RBKS: variants seen among roughly 807,000 people sequenced by gnomAD.
The protein encoded by RBKS is ribokinase.
RBKS carries 33 observed loss-of-function variants against 33.9 expected under a neutral mutation model. The ratio of observed to expected loss-of-function variants is 0.97; its 90% confidence interval spans 0.74 to 1.30. RBKS has a LOEUF of 1.30. RBKS is among the 50% of genes most tolerant of loss of function. RBKS has a pLI of 0.00. For missense variants in RBKS, 361 were observed against 392.6 expected, an observed-to-expected ratio of 0.92 and a Z score of 0.68; for synonymous variants, 125 against 143.0, an observed-to-expected ratio of 0.87 and a Z score of 0.90.
At chr2:27,870,530 CCCACCT>C (rs1664183922) in intron 1 of RBKS, 1 of 314,796 alleles carries the variant, frequency 3.2e-6, no homozygotes, top group Non-Finnish European at 6.4e-6. Context: ...GTGCACTGCA[CCCACCT>C]CCTCACAGAG....
At position 27,816,403 on chromosome 2, in the gene RBKS, G is replaced by C. The variant is rs945704384; in HGVS notation, c.795+11164C>G. Among the ~76,000 whole-genome samples the C allele has an allele frequency of 2.6e-5, 4 of 152,048 alleles. No individual in the cohort carries two copies. The South Asian group carries it at 8.3e-4, about 31-fold the overall frequency. The stretch of plus-strand genomic sequence containing the variant: ...CCTTACAGTCAGTGAACAACTTTTT[G>C]TCTTCTTCATTTTTTCCAGCCACCA... On this transcript the variant is annotated intron_variant, in intron 7 of 7. Coordinates refer to ENST00000302188, the MANE Select transcript of RBKS (RefSeq NM_022128.3).
chr2:27,844,257 G>A (rs1331743852), intron 4 of RBKS, among the ~76,000 whole-genome samples: 2 of 125,280 alleles, frequency 1.6e-5, no homozygotes, highest in East Asian at 6.0e-4. Flanking sequence ...GTGAGACTCT[G>A]TCTCAGAAAA....
Position 27,847,041 on chromosome 2 carries a change from C to A in RBKS, c.349+1G>T, listed in dbSNP as rs1312829206. On this transcript the variant is annotated splice_donor_variant, in intron 4 of 7. Coordinates refer to ENST00000302188, the MANE Select transcript of RBKS (RefSeq NM_022128.3). LOFTEE classifies it high-confidence loss of function. ...GACACTCCAATATGCAAAACACTTA[C>A]CTTCATTATTGACAATTATAGAAGC... The A allele has an allele frequency of 6.3e-7, 1 of 1,593,346 alleles. No individual in the cohort carries two copies. Among genetic ancestry groups the A allele is most frequent in the East Asian group, 2.2e-5 (1 of 44,658 alleles).
intron 4 of RBKS, 46 bp from the exon 5 acceptor site, chr2:27,843,277 G>A (rs1663553738): frequency 1.4e-6 from 2 of 1,434,696 alleles, no homozygotes; most frequent in East Asian, 2.4e-5. Flanking sequence ...ACAAAGCCAA[G>A]CAAATGATAT....
chr2:27,782,154 A>G (rs1677300887), intron 7 of RBKS, among the ~76,000 whole-genome samples: 1 of 151,068 alleles, frequency 6.6e-6, no homozygotes, highest in Non-Finnish European at 1.5e-5. Context: ...TTTGTTTTTG[A>G]TGATTTTTTT....
chr2:27,811,363 T>G (rs1677982501), intron 7 of RBKS, among the ~76,000 whole-genome samples: 1 of 152,266 alleles, frequency 6.6e-6, no homozygotes, highest in Non-Finnish European at 1.5e-5. Context: ...CTGTGTGGCA[T>G]GTGGAAAATT....
At chr2:27,883,555 C>T (rs1331329280) in intron 1 of RBKS, among the ~76,000 whole-genome samples, 1 of 152,020 alleles carries the variant, frequency 6.6e-6, no homozygotes, top group Non-Finnish European at 1.5e-5. Context: ...GCATTATAAA[C>T]AAGTCATCAA....
intron 7 of RBKS, among the ~76,000 whole-genome samples, chr2:27,801,941 G>T: frequency 1.0e-5 from 1 of 96,856 alleles, no homozygotes; most frequent in African/African-American, 4.2e-5. Flanking sequence ...AGTTTCCCGA[G>T]TAGCTGGGGA....
chr2:27,796,500 G>A (rs4666015), intron 7 of RBKS, among the ~76,000 whole-genome samples: 43,771 of 152,034 alleles, frequency 0.29, 7,085 homozygotes, highest in East Asian at 0.59. Context: ...CTCTTATAGA[G>A]TGGGTGTGGC....
At chr2:27,786,201 T>A (rs1345135152) in intron 7 of RBKS, among the ~76,000 whole-genome samples, 2 of 152,224 alleles carry the variant, frequency 1.3e-5, no homozygotes, top group African/African-American at 4.8e-5. Context: ...TTGTGAATAT[T>A]TGGTTTTCTT....
chr2:27,825,006 G>A (rs1045393148), intron 7 of RBKS, among the ~76,000 whole-genome samples: 4 of 152,028 alleles, frequency 2.6e-5, no homozygotes, highest in Admixed American at 1.3e-4. Context: ...GCATGGTGGC[G>A]TGTACCTGTA....
intron 7 of RBKS, among the ~76,000 whole-genome samples, chr2:27,804,621 T>C (rs1677861280): frequency 6.6e-6 from 1 of 152,240 alleles, no homozygotes; most frequent in South Asian, 2.1e-4. Context: ...CAGGTGGTTC[T>C]GTGTTATTGA....
chr2:27,791,616 A>ACG (rs1677521983), intron 7 of RBKS, among the ~76,000 whole-genome samples: 1 of 142,326 alleles, frequency 7.0e-6, no homozygotes, highest in Admixed American at 7.0e-5. Flanking sequence ...ATAAATCTAC[A>ACG]CACACACACA....
chr2:27,809,175 G>A (rs1421126613), intron 7 of RBKS, among the ~76,000 whole-genome samples: 2 of 152,212 alleles, frequency 1.3e-5, no homozygotes, highest in Non-Finnish European at 2.9e-5. Flanking sequence ...GCCAGCCTGA[G>A]GAACATGTGA....
intron 1 of RBKS, among the ~76,000 whole-genome samples, chr2:27,878,610 A>T (rs914420540): frequency 4.6e-5 from 7 of 152,012 alleles, no homozygotes; most frequent in Non-Finnish European, 8.8e-5. Context: ...CGCCACACTG[A>T]CTTCCACAAT....
intron 7 of RBKS, among the ~76,000 whole-genome samples, chr2:27,798,096 T>A (rs1014119125): frequency 1.3e-5 from 2 of 151,896 alleles, no homozygotes; most frequent in Non-Finnish European, 2.9e-5. Flanking sequence ...GGCACTGAAG[T>A]CATCCCACAT....
chr2:27,889,857 G>C (rs1664676485), intron 1 of RBKS: 1 of 178,806 alleles, frequency 5.6e-6, no homozygotes, highest in African/African-American at 2.4e-5. Flanking sequence ...ACTTCATTTA[G>C]TCCTCACAAC....
chr2:27,823,677 G>C (rs1678259444), intron 7 of RBKS, among the ~76,000 whole-genome samples: 1 of 152,126 alleles, frequency 6.6e-6, no homozygotes, highest in Non-Finnish European at 1.5e-5. Flanking sequence ...TGAAAGTGCT[G>C]GATGAGAGGA....
chr2:27,783,563 T>C (rs1256778620), intron 7 of RBKS, among the ~76,000 whole-genome samples: 1 of 152,120 alleles, frequency 6.6e-6, no homozygotes, highest in East Asian at 1.9e-4. Flanking sequence ...CGTGTTTGTC[T>C]AACAATTGTG....
Sources: gnomAD v4.1 joint callset for allele counts (sites outside exome capture counted in the v4.1 genomes callset) on GRCh38, gnomAD v4.1.1 for gene constraint, MANE v1.5 for transcripts, NCBI Gene and HGNC (gene_info 2026-07-23, HGNC 2026-07-21) for gene names.